The following ELOVL6 variants were observed in gnomAD, a reference collection of about 807,000 sequenced individuals.
The protein encoded by ELOVL6 is very long chain fatty acid elongase 6.
Under a neutral mutation model 31.7 loss-of-function variants are expected in ELOVL6, and 8 were observed. The ratio of observed to expected loss-of-function variants is 0.25; its 90% confidence interval spans 0.15 to 0.45. The LOEUF (loss-of-function observed/expected upper bound fraction) is 0.45. Among genes scored for constraint, ELOVL6 ranks in the 20% least tolerant of loss-of-function variants. The pLI is 1.00. For synonymous variants in ELOVL6, 101 were observed against 117.7 expected (o/e 0.86, Z 0.92); for missense variants, 126 against 326.4 (o/e 0.39, Z 4.73).
chr4:110,167,302 C>T (rs189662786), intron 1 of ELOVL6, among the ~76,000 whole-genome samples: 35 of 152,208 alleles, frequency 2.3e-4, no homozygotes, highest in Non-Finnish European at 1.8e-4. Context: ...GTACATACAG[C>T]GTTAAGTACT....
intron 1 of ELOVL6, among the ~76,000 whole-genome samples, chr4:110,129,521 T>A (rs1273786213): frequency 6.6e-6 from 1 of 152,208 alleles, no homozygotes; most frequent in African/African-American, 2.4e-5. Context: ...TTTCAGAGAT[T>A]AGTCTGCAGT....
At chr4:110,122,602 T>C (rs1433231232) in intron 1 of ELOVL6, among the ~76,000 whole-genome samples, 1 of 152,144 alleles carries the variant, frequency 6.6e-6, no homozygotes, top group East Asian at 1.9e-4. Flanking sequence ...GGTCTCAAAC[T>C]CCTGAGCTCA....
In ELOVL6 at chr4:110,084,586, A is replaced by AT. The variant is rs1756183730; in HGVS notation, c.221+20910dup. 2.3e-3 allele frequency among the ~76,000 whole-genome samples: 93 copies of AT among 39,598 alleles called. 1 individual carries two copies. The highest frequency in any genetic ancestry group is 9.8e-3 in the African/African-American group (57 of 5,798). The allele number at this position is 39,598 out of a possible 152,430, so 26.0% of individuals were successfully genotyped here. On this transcript the variant is annotated intron_variant, in intron 2 of 3. Transcript: ENST00000302274. Reference sequence around the variant, plus strand: ...CAGATATATATATATATATATATATATATTTTTTTTTTTTTTTTTTTTTTT... The same window carrying AT: ...CAGATATATATATATATATATATATATTATTTTTTTTTTTTTTTTTTTTTTT...
intron 1 of ELOVL6, among the ~76,000 whole-genome samples, chr4:110,157,627 C>A (rs190200392): frequency 9.2e-5 from 14 of 151,658 alleles, no homozygotes; most frequent in African/African-American, 3.4e-4. Flanking sequence ...GCTGAGATAG[C>A]GCCACTGCAC....
At chr4:110,176,170 A>ATTTT (rs1759098437) in intron 1 of ELOVL6, among the ~76,000 whole-genome samples, 1 of 151,464 alleles carries the variant, frequency 6.6e-6, no homozygotes, top group African/African-American at 2.4e-5. Flanking sequence ...TTATTTATTT[A>ATTTT]TTTATTTTTT....
chr4:110,149,994 G>A (rs1175112630), intron 1 of ELOVL6, among the ~76,000 whole-genome samples: 4 of 152,024 alleles, frequency 2.6e-5, no homozygotes, highest in Non-Finnish European at 5.9e-5. Flanking sequence ...ACAGTTATGT[G>A]TTTCAGATTT....
At chr4:110,199,133 C>G (rs1456746156), upstream of ELOVL6, 2 of 146,268 alleles carry the variant, frequency 1.4e-5, no homozygotes, top group Non-Finnish European at 3.0e-5. Context: ...TCCTTAATCT[C>G]GTACAGACAG....
At chr4:110,069,171 A>AATAATAATG (rs1553954569) in intron 2 of ELOVL6, among the ~76,000 whole-genome samples, 1 of 118,334 alleles carries the variant, frequency 8.5e-6, no homozygotes, top group Middle Eastern at 4.4e-3. Flanking sequence ...TAATAATAAT[A>AATAATAATG]GGGACACTTG....
Position 110,084,970 on chromosome 4 carries a change from C to G in ELOVL6, c.221+20527G>C, listed in dbSNP as rs140000594. Among the ~76,000 whole-genome samples the G allele has an allele frequency of 5.6e-4, 85 of 152,010 alleles. 1 individual carries two copies. The highest frequency in any genetic ancestry group is 1.9e-3 in the East Asian group (10 of 5,160). On this transcript the variant is annotated intron_variant, in intron 2 of 3. Transcript: ENST00000302274. Reference sequence around the variant, plus strand: ...CTGAGCAACAGGGTGGATAATGACACTAGACAATGAGAAGGAAAGAAATTG... The same window carrying G: ...CTGAGCAACAGGGTGGATAATGACAGTAGACAATGAGAAGGAAAGAAATTG...
At chr4:110,085,864 TCCA>T (rs895852018) in intron 2 of ELOVL6, among the ~76,000 whole-genome samples, 4 of 152,086 alleles carry the variant, frequency 2.6e-5, no homozygotes, top group African/African-American at 9.7e-5. Flanking sequence ...ACAGGCATGC[TCCA>T]CCATGCCCAG....
At chr4:110,142,888 C>A (rs1348879042) in intron 1 of ELOVL6, among the ~76,000 whole-genome samples, 1 of 152,100 alleles carries the variant, frequency 6.6e-6, no homozygotes, top group African/African-American at 2.4e-5. Flanking sequence ...ATTAATTATG[C>A]CAGTGCTAAA....
At chr4:110,167,843 T>G (rs1035953233) in intron 1 of ELOVL6, among the ~76,000 whole-genome samples, 10 of 152,136 alleles carry the variant, frequency 6.6e-5, no homozygotes, top group Admixed American at 6.5e-4. Context: ...ACCTCTCTTA[T>G]GCTTTTGGAG....
At chr4:110,152,692 G>C (rs1758309179) in intron 1 of ELOVL6, among the ~76,000 whole-genome samples, 1 of 152,188 alleles carries the variant, frequency 6.6e-6, no homozygotes, top group African/African-American at 2.4e-5. Context: ...CTGCAGTGAT[G>C]CTGCTGGTTC....
chr4:110,147,710 G>A (rs1463156006), intron 1 of ELOVL6, among the ~76,000 whole-genome samples: 1 of 151,928 alleles, frequency 6.6e-6, no homozygotes, highest in African/African-American at 2.4e-5. Context: ...AGGATCATTT[G>A]AGCCTGGGAA....
chr4:110,146,364 C>T (rs1003190860), intron 1 of ELOVL6: 1 of 152,148 alleles, frequency 6.6e-6, no homozygotes, highest in African/African-American at 2.4e-5. Context: ...GAAGTAAAAC[C>T]TCTTCCTCTA....
intron 1 of ELOVL6, among the ~76,000 whole-genome samples, chr4:110,111,091 C>A (rs1757021666): frequency 6.6e-6 from 1 of 152,182 alleles, no homozygotes; most frequent in African/African-American, 2.4e-5. Flanking sequence ...AATAACATGG[C>A]TGCACATCCC....
Position 110,051,074 on chromosome 4 carries a change from C to CTCT in ELOVL6, c.*263_*264insAGA. The CTCT allele has an allele frequency of 2.2e-6, 1 of 460,302 alleles. No homozygotes were observed. Among genetic ancestry groups the CTCT allele is most frequent in the Non-Finnish European group, 3.9e-6 (1 of 254,588 alleles). The allele number at this position is 460,302 out of a possible 1,614,324, so 28.5% of individuals were successfully genotyped here. A position where few individuals can be genotyped will look rare whatever the true frequency, so the allele number is the denominator to read the frequency against. On this transcript the variant is annotated 3_prime_UTR_variant, in exon 4 of 4. Transcript: ENST00000302274. The surrounding 1 kb of genome is among the most constrained non-coding windows in gnomAD (Gnocchi z 4.8). ...TGGCTTGCTTTTGTTCTCCCTTGTC[C>CTCT]TAGAGTTGATAGATAAAGAGGGAAT...
chr4:110,098,444 C>T (rs1000562044), intron 2 of ELOVL6, among the ~76,000 whole-genome samples: 19 of 152,018 alleles, frequency 1.2e-4, no homozygotes, highest in Admixed American at 9.2e-4. Context: ...TACTTTTTAT[C>T]AAAGCTATTT....
chr4:110,084,585 T>TAAAA (rs1756183476), intron 2 of ELOVL6, among the ~76,000 whole-genome samples: 1 of 40,232 alleles, frequency 2.5e-5, no homozygotes, highest in African/African-American at 1.5e-4. Context: ...TATATATATA[T>TAAAA]ATATTTTTTT....
Sources: gnomAD v4.1 joint callset for allele counts (sites outside exome capture counted in the v4.1 genomes callset) on GRCh38, gnomAD v4.1.1 for gene constraint, Gnocchi (gnomAD v3.1) non-coding constraint, MANE v1.5 for transcripts, NCBI Gene and HGNC (gene_info 2026-07-23, HGNC 2026-07-21) for gene names.